Variants in DSE observed in about 807,000 individuals in gnomAD.
DSE encodes the protein dermatan-sulfate epimerase.
Under a neutral mutation model 84.4 loss-of-function variants are expected in DSE, and 36 were observed. That is an observed-to-expected ratio of 0.43 (90% confidence interval 0.33 to 0.56). The LOEUF (loss-of-function observed/expected upper bound fraction) is 0.56, where lower values mean the gene tolerates loss of function less well. Ranked by LOEUF, DSE falls within the 20% of genes least tolerant of loss-of-function variation. The pLI is 0.06. For synonymous variants in DSE, 410 were observed against 430.1 expected (o/e 0.95, Z 0.58); for missense variants, 862 against 1,169.6 (o/e 0.74, Z 3.84).
chr6:116,275,324 A>T (rs552761593), intron 2 of DSE, among the ~76,000 whole-genome samples: 2 of 152,366 alleles, frequency 1.3e-5, no homozygotes, highest in South Asian at 4.1e-4. Context: ...TTTAATGTTG[A>T]AAGTGTTTAG....
At position 116,381,036 on chromosome 6, in the gene DSE, T is replaced by A. The variant is rs1780190805; in HGVS notation, c.-54+9915T>A. On this transcript the variant is annotated intron_variant, in intron 1 of 5. Coordinates refer to ENST00000644252, the MANE Select transcript of DSE (RefSeq NM_013352.4). The stretch of plus-strand genomic sequence containing the variant: ...ACTTCATTTTATTTTAGTGTTTGTA[T>A]AAATATTTATTCTATCATTTTATAA... Among the ~76,000 whole-genome samples the A allele has an allele frequency of 1.3e-5, 2 of 152,208 alleles. 1 individual carries two copies. Among genetic ancestry groups the A allele is most frequent in the South Asian group, 4.1e-4 (2 of 4,834 alleles).
chr6:116,418,744 G>A (rs552836950), intron 2 of DSE, among the ~76,000 whole-genome samples: 4 of 152,258 alleles, frequency 2.6e-5, no homozygotes, highest in East Asian at 1.9e-4. Flanking sequence ...TGAAAGCGCC[G>A]TTCTTCCCCT....
At chr6:116,402,665 T>C (rs1223538721) in intron 2 of DSE, among the ~76,000 whole-genome samples, 1 of 152,202 alleles carries the variant, frequency 6.6e-6, no homozygotes, top group Non-Finnish European at 1.5e-5. Flanking sequence ...CCATTTAGGA[T>C]TTTACTAATC....
chr6:116,391,764 T>TAA (rs77486984), intron 1 of DSE, among the ~76,000 whole-genome samples: 2,693 of 119,224 alleles, frequency 0.023, 60 homozygotes, highest in South Asian at 0.057. Context: ...GACTCCGTCT[T>TAA]AAAAAAAAAA....
At position 116,438,295 on chromosome 6, in the gene DSE, T is replaced by G. The variant is rs1313646327; in HGVS notation, c.*950T>G. 6.6e-6 allele frequency: 1 copy of G among 152,550 alleles called. No homozygotes were observed. The highest frequency in any genetic ancestry group is 1.5e-5 in the Non-Finnish European group (1 of 67,964). The allele number at this position is 152,550 out of a possible 1,614,324, so 9.4% of individuals were successfully genotyped here. A position where few individuals can be genotyped will look rare whatever the true frequency, so the allele number is the denominator to read the frequency against. On this transcript the variant is annotated 3_prime_UTR_variant, in exon 6 of 6. Coordinates refer to ENST00000644252, the MANE Select transcript of DSE (RefSeq NM_013352.4). The stretch of plus-strand genomic sequence containing the variant: ...TAATTGTGAATTTTCTCTAGTATTC[T>G]TCTTCTTTGTTCCATTATATTCAAA...
At position 116,404,176 on chromosome 6, in the gene DSE, CA is replaced by C. The variant is rs557572602; in HGVS notation, c.416+4513del. 2.1e-3 allele frequency among the ~76,000 whole-genome samples: 319 copies of C among 152,270 alleles called. 2 individuals carry two copies. Among genetic ancestry groups the C allele is most frequent in the African/African-American group, 7.1e-3 (297 of 41,550 alleles). On this transcript the variant is annotated intron_variant, in intron 2 of 5. Coordinates refer to ENST00000644252, the MANE Select transcript of DSE (RefSeq NM_013352.4). ...ATGAGCTTAACATTACACTCCTCAG[CA>C]AATTCTTAGTGATTTTCCGGAGCTA...
intron 2 of DSE, among the ~76,000 whole-genome samples, chr6:116,301,867 T>G (rs1489659699): frequency 6.6e-6 from 1 of 152,188 alleles, no homozygotes; most frequent in Non-Finnish European, 1.5e-5. Flanking sequence ...CTCCCACTTA[T>G]GAGTGAGAAC....
intron 2 of DSE, among the ~76,000 whole-genome samples, chr6:116,354,782 T>G (rs777942370): frequency 5.2e-4 from 79 of 152,332 alleles, no homozygotes; most frequent in Non-Finnish European, 1.0e-3. Flanking sequence ...TGTAATTATA[T>G]TTTTTGGTTA....
chr6:116,389,587 G>A (rs1780767493), intron 1 of DSE, among the ~76,000 whole-genome samples: 2 of 152,116 alleles, frequency 1.3e-5, no homozygotes. Context: ...ATGTATTGCA[G>A]GAAGAAAAAT....
rs1383591270 is a variant in DSE at position 116,441,544 on chromosome 6, T to TA, written c.*4200dup. On this transcript the variant is annotated 3_prime_UTR_variant, in exon 6 of 6. Coordinates refer to ENST00000644252, the MANE Select transcript of DSE (RefSeq NM_013352.4). Reference sequence around the variant, plus strand: ...CCTACTAATGAAGCTTTAGCTCTCTTACCCATTCTTTATACTTATTGGAAG... The same window carrying TA: ...CCTACTAATGAAGCTTTAGCTCTCTTAACCCATTCTTTATACTTATTGGAAG... The TA allele has an allele frequency of 6.6e-6, 1 of 152,216 alleles. No homozygotes were observed. The highest frequency in any genetic ancestry group is 1.5e-5 in the Non-Finnish European group (1 of 68,032). The allele number at this position is 152,216 out of a possible 1,614,324, so 9.4% of individuals were successfully genotyped here.
chr6:116,301,313 C>T (rs1775025940), intron 2 of DSE, among the ~76,000 whole-genome samples: 3 of 152,244 alleles, frequency 2.0e-5, no homozygotes, highest in African/African-American at 7.2e-5. Context: ...TGTTTCTCTT[C>T]CTCGGAGATG....
intron 2 of DSE, among the ~76,000 whole-genome samples, chr6:116,260,130 T>C (rs1772348913): frequency 6.6e-6 from 1 of 152,092 alleles, no homozygotes; most frequent in Admixed American, 6.5e-5. Flanking sequence ...TTCCTTCTTC[T>C]CCACAACCTC....
intron 2 of DSE, 136 bp from the exon 3 acceptor site, chr6:116,426,438 A>T (rs989358065): frequency 9.1e-7 from 1 of 1,101,578 alleles, no homozygotes; most frequent in South Asian, 1.9e-5. Context: ...TGTGGAGGGA[A>T]GTCAGTTGTG....
intron 2 of DSE, among the ~76,000 whole-genome samples, chr6:116,403,544 A>G (rs563334960): frequency 1.9e-4 from 29 of 152,292 alleles, no homozygotes; most frequent in African/African-American, 6.5e-4. Flanking sequence ...GTAGCTGAGA[A>G]AGAAAAGAGG....
At chr6:116,338,323 A>C (rs1777393081) in intron 2 of DSE, among the ~76,000 whole-genome samples, 1 of 149,574 alleles carries the variant, frequency 6.7e-6, no homozygotes. Context: ...CCCGGGTTCA[A>C]GCAATTATCC....
chr6:116,402,215 T>C (rs1021861798), intron 2 of DSE, among the ~76,000 whole-genome samples: 2 of 152,218 alleles, frequency 1.3e-5, no homozygotes, highest in Non-Finnish European at 2.9e-5. Context: ...CTGCTCAGAA[T>C]TGAGTGTGTG....
chr6:116,401,243 C>A (rs1197305515), intron 2 of DSE: 1 of 152,038 alleles, frequency 6.6e-6, no homozygotes, highest in Admixed American at 6.5e-5. Flanking sequence ...GAGACTCCTT[C>A]TATGAAAAGA....
intron 2 of DSE, among the ~76,000 whole-genome samples, chr6:116,275,961 T>G (rs1490006734): frequency 6.6e-6 from 1 of 152,218 alleles, no homozygotes; most frequent in Non-Finnish European, 1.5e-5. Context: ...CTGTTAATTC[T>G]TTGTTTGCTT....
rs537675024 is a variant in DSE, at chr6:116,429,744, C to T, written c.671-1210C>T. On this transcript the variant is annotated intron_variant, in intron 3 of 5. Transcript: ENST00000644252. ...CGGGCGGATCACGAGGTCAGGAGAT[C>T]GAGACCATCCTGGCTAACACGGTGA... is the stretch of plus-strand genomic sequence containing the variant. Among the ~76,000 whole-genome samples, 5 of 16,260 alleles carry T rather than the reference C, an allele frequency of 3.1e-4. 2 individuals carry two copies. The highest frequency in any genetic ancestry group is 1.5e-3 in the South Asian group (2 of 1,314). The allele number at this position is 16,260 out of a possible 152,430, so 10.7% of individuals were successfully genotyped here.
Sources: gnomAD v4.1 joint callset for allele counts (sites outside exome capture counted in the v4.1 genomes callset) on GRCh38, gnomAD v4.1.1 for gene constraint, MANE v1.5 for transcripts, NCBI Gene and HGNC (gene_info 2026-07-23, HGNC 2026-07-21) for gene names.